The following USP45 variants were observed in gnomAD, a reference collection of about 807,000 sequenced individuals.
USP45 encodes ubiquitin carboxyl-terminal hydrolase 45.
A neutral mutation model predicts 95.8 loss-of-function variants in USP45; 89 were observed. That is an observed-to-expected ratio of 0.93 (90% CI 0.78 to 1.11). The LOEUF (loss-of-function observed/expected upper bound fraction) is 1.11, where lower values mean the gene tolerates loss of function less well. Among genes scored for constraint, USP45 ranks in the 50% least tolerant of loss-of-function variants. USP45 has a pLI of 0.00. For synonymous variants in USP45, 281 were observed against 316.2 expected (o/e 0.89, Z 1.18); for missense variants, 898 against 942.5 (o/e 0.95, Z 0.62).
At chr6:99,460,961 T>A in intron 13 of USP45, 1 of 985,196 alleles carries the variant, frequency 1.0e-6, no homozygotes, top group Non-Finnish European at 1.2e-6. Context: ...TCTGGTCTTA[T>A]AATTGAATTT....
At chr6:99,482,636 T>C in intron 8 of USP45, 117 bp downstream of exon 8, 1 of 1,035,290 alleles carries the variant, frequency 9.7e-7, no homozygotes, top group African/African-American at 1.6e-5. Context: ...TTTAGTTCTC[T>C]TCATAGTCAG....
At chr6:99,488,883 T>C in intron 5 of USP45, 63 bp from the exon 6 acceptor site, 1 of 1,194,288 alleles carries the variant, frequency 8.4e-7, no homozygotes, top group Middle Eastern at 3.0e-4. Context: ...CTTAACATAA[T>C]TTATATACAT....
chr6:99,446,904 T>C (rs1383223719), intron 13 of USP45, among the ~76,000 whole-genome samples: 1 of 152,186 alleles, frequency 6.6e-6, no homozygotes, highest in Non-Finnish European at 1.5e-5. Context: ...CCACCATACC[T>C]GGCTAATTTT....
In USP45 at chr6:99,446,082, A is replaced by G. The variant is rs1431739252; in HGVS notation, c.1690T>C (p.Leu564=). ...TGATCTCCAGTTACAGTGCTGCTCA[A>G]ACGAAGTTCAGAAATAGCTTCTGCC... is the stretch of plus-strand genomic sequence containing the variant. ...EMAEAISELR[L]SSTVTGDQDF... Residue 564 remains leucine (L), a synonymous_variant, in exon 14 of 18, where the codon TTG becomes CTG. Transcript: ENST00000500704. 1.9e-6 allele frequency: 3 copies of G among 1,614,050 alleles called. No individual in the cohort carries two copies. The highest frequency in any genetic ancestry group is 2.7e-5 in the African/African-American group (2 of 75,040).
Position 99,503,770 on chromosome 6 carries a change from T to G in USP45, c.473A>C (p.Gln158Pro). The change falls in exon 5 of 18, where the codon CAA becomes CCA. Residue 158 changes from glutamine to proline, a missense_variant. Gln to Pro is a moderately conservative substitution (Grantham distance 76). Coordinates refer to ENST00000500704, the MANE Select transcript of USP45 (RefSeq NM_001346022.3). ...TTAGTCATCGCTTAACTTACTTGTT[T>G]GTGTTTTAGAAGCATGTTTCTGGAG... ...DFLQKHASKT[Q>P]TSAFSRIMKL... The G allele has an allele frequency of 1.3e-6, 2 of 1,587,102 alleles. No individual in the cohort carries two copies. The highest frequency in any genetic ancestry group is 1.7e-6 in the Non-Finnish European group (2 of 1,164,466).
intron 5 of USP45, chr6:99,502,011 T>C (rs1797481819): frequency 1.5e-6 from 2 of 1,298,494 alleles, no homozygotes; most frequent in African/African-American, 1.5e-5. Context: ...GGCCTGGCCC[T>C]GCCAGAAAGA....
chr6:99,503,835 C>G lies in USP45; in HGVS notation c.408G>C (p.Thr136=), dbSNP rs765751969. 6.3e-7 allele frequency: 1 copy of G among 1,592,488 alleles called. No homozygotes were observed. Among genetic ancestry groups the G allele is most frequent in the Non-Finnish European group, 8.5e-7 (1 of 1,170,334 alleles). The change falls in exon 5 of 18, where the codon ACG becomes ACC. Residue 136 remains threonine (T), a synonymous_variant. Coordinates refer to ENST00000500704, the MANE Select transcript of USP45 (RefSeq NM_001346022.3). ...GAGCCAAAACCTTCTTATTACAATG[C>G]GTTGATAATTTTTCATCACATTCAT... ...WCYECDEKLS[T]HCNKKVLAQI...
Position 99,435,589 on chromosome 6 carries a change from G to A in USP45, c.*127C>T, listed in dbSNP as rs1281411135. The A allele has an allele frequency of 1.3e-6, 1 of 747,720 alleles. No homozygotes were observed. Among genetic ancestry groups the A allele is most frequent in the Admixed American group, 3.2e-5 (1 of 31,580 alleles). The allele number at this position is 747,720 out of a possible 1,614,324, so 46.3% of individuals were successfully genotyped here. A position where few individuals can be genotyped will look rare whatever the true frequency, so the allele number is the denominator to read the frequency against. ...AAGGGTTCACCAAAATGGTGAAAAA[G>A]TTCAGGACCATTTGAGGAACATGCT... is the stretch of plus-strand genomic sequence containing the variant. On this transcript the variant is annotated 3_prime_UTR_variant, in exon 18 of 18. Transcript: ENST00000500704.
Position 99,476,076 on chromosome 6 carries a change from C to G in USP45, c.933+67G>C, listed in dbSNP as rs1420994633. On this transcript the variant is annotated intron_variant, in intron 9 of 17. Coordinates refer to ENST00000500704, the MANE Select transcript of USP45 (RefSeq NM_001346022.3). ...AGATGATCCACCCCGCCTTGGCCCC[C>G]CAATAATCCCTTAGTTTTGTATCCT... 5 of 1,471,804 alleles carry G rather than the reference C, an allele frequency of 3.4e-6. No homozygotes were observed. In the African/African-American group the frequency reaches 4.2e-5, roughly 12 times the overall value. 91.2% of individuals were successfully genotyped at this position (1,471,804 alleles called of 1,614,324 possible).
In USP45 at chr6:99,460,778, G is replaced by A. The variant is rs913967279; in HGVS notation, c.1308+3826C>T. 33 of 984,618 alleles carry A rather than the reference G, an allele frequency of 3.4e-5. No homozygotes were observed. In the South Asian group the frequency reaches 1.4e-3, roughly 42 times the overall value. The allele number at this position is 984,618 out of a possible 1,614,324, so 61.0% of individuals were successfully genotyped here. On this transcript the variant is annotated intron_variant, in intron 13 of 17. Coordinates refer to ENST00000500704, the MANE Select transcript of USP45 (RefSeq NM_001346022.3). Reference sequence around the variant, plus strand: ...ATTTTCTGAATATAACCCCAATGATGAGAGGCACAACACAGGTTTCAGCAA... The same window carrying A: ...ATTTTCTGAATATAACCCCAATGATAAGAGGCACAACACAGGTTTCAGCAA...
intron 16 of USP45, among the ~76,000 whole-genome samples, chr6:99,437,822 TA>T (rs1168744983): frequency 6.6e-6 from 1 of 152,174 alleles, no homozygotes; most frequent in Non-Finnish European, 1.5e-5. Context: ...CACGCCCAGC[TA>T]ATTTTTGTAT....
chr6:99,509,787 C>T (rs897251162), intron 2 of USP45, among the ~76,000 whole-genome samples: 51 of 152,010 alleles, frequency 3.4e-4, no homozygotes, highest in Middle Eastern at 3.4e-3. Context: ...TAAAGAGTAA[C>T]AGATTTCTTA....
In USP45 at chr6:99,481,375, G is replaced by A. The variant is rs533727151; in HGVS notation, c.845+1378C>T. Reference sequence around the variant, plus strand: ...GGAGTTTGAATTTTTATCTATGAGTGCCCATTATTTTAATAGTAATTTTTA... The same window carrying A: ...GGAGTTTGAATTTTTATCTATGAGTACCCATTATTTTAATAGTAATTTTTA... On this transcript the variant is annotated intron_variant, in intron 8 of 17. Coordinates refer to ENST00000500704, the MANE Select transcript of USP45 (RefSeq NM_001346022.3). Among the ~76,000 whole-genome samples, 15 of 152,242 alleles carry A rather than the reference G, an allele frequency of 9.9e-5. No homozygotes were observed. The South Asian group carries it at 1.9e-3, about 19-fold the overall frequency.
intron 17 of USP45, among the ~76,000 whole-genome samples, 156 bp from the exon 18 acceptor site, chr6:99,436,002 A>G (rs1230271321): frequency 6.6e-6 from 1 of 152,046 alleles, no homozygotes; most frequent in East Asian, 1.9e-4. Context: ...TCCAAAAAGA[A>G]CTTTTTTTTT....
Position 99,445,971 on chromosome 6 carries a change from G to A in USP45, c.1801C>T (p.Gln601Ter). 9 of 1,613,906 alleles carry A rather than the reference G, an allele frequency of 5.6e-6. No homozygotes were observed. Among genetic ancestry groups the A allele is most frequent in the Non-Finnish European group, 7.6e-6 (9 of 1,179,980 alleles). ...TGAGAAAGGGTCTGAAAAGCATTTTGGGGACTATAAGACCTCAAATGCTTC... is the reference window on the plus strand; with the variant it reads ...TGAGAAAGGGTCTGAAAAGCATTTTAGGGACTATAAGACCTCAAATGCTTC... ...EGKHLRSYSP[Q>*]NAFQTLSQSY... is the part of the protein sequence containing the mutation. Residue 601 changes from glutamine to a stop codon, truncating the protein, a stop_gained, in exon 14 of 18, where the codon CAA becomes TAA. Coordinates refer to ENST00000500704, the MANE Select transcript of USP45 (RefSeq NM_001346022.3). LOFTEE classifies it high-confidence loss of function.
At chr6:99,469,657 T>A (rs930805706) in intron 9 of USP45, among the ~76,000 whole-genome samples, 1 of 151,442 alleles carries the variant, frequency 6.6e-6, no homozygotes, top group Non-Finnish European at 1.5e-5. Flanking sequence ...TTTTTAAAAA[T>A]TTTTTTGTAG....
chr6:99,454,333 T>C (rs183077141), intron 13 of USP45, among the ~76,000 whole-genome samples: 28 of 152,230 alleles, frequency 1.8e-4, no homozygotes, highest in African/African-American at 6.3e-4. Flanking sequence ...AAGACTTAAA[T>C]GTAAAATCTA....
intron 7 of USP45, among the ~76,000 whole-genome samples, chr6:99,487,135 T>C (rs1381364732): frequency 6.6e-6 from 1 of 152,196 alleles, no homozygotes; most frequent in Non-Finnish European, 1.5e-5. Context: ...GCTAATTCTA[T>C]CATGGGACAT....
chr6:99,436,959 C>T (rs1030007910), intron 17 of USP45, among the ~76,000 whole-genome samples: 2 of 152,180 alleles, frequency 1.3e-5, no homozygotes, highest in Admixed American at 1.3e-4. Flanking sequence ...AAATTAGTCA[C>T]GTGTGGTAGC....
Sources: allele counts gnomAD v4.1 joint callset (sites outside exome capture counted in the v4.1 genomes callset), GRCh38; gene constraint gnomAD v4.1.1; transcripts MANE v1.5; gene names NCBI Gene and HGNC (gene_info 2026-07-23, HGNC 2026-07-21).